Variants in CCDC102B observed in about 807,000 individuals in gnomAD.
CCDC102B encodes coiled-coil domain-containing protein 102B.
A neutral mutation model predicts 57.4 loss-of-function variants in CCDC102B; 75 were observed. The observed-to-expected ratio is 1.31, with a 90% CI of 1.08 to 1.58. The LOEUF (loss-of-function observed/expected upper bound fraction) is 1.58, where lower values mean the gene tolerates loss of function less well. Ranked by LOEUF, CCDC102B falls within the 40% of genes most tolerant of loss-of-function variation. The probability of loss-of-function intolerance (pLI) is 0.00; values close to 1 mark genes in which losing one functional copy is unlikely to be tolerated. For synonymous variants in CCDC102B, 206 were observed against 201.9 expected, an observed-to-expected ratio of 1.02 and a Z score of -0.17; for missense variants, 636 against 582.6, an observed-to-expected ratio of 1.09 and a Z score of -0.94.
At chr18:68,861,163 A>T (rs1012878570) in intron 4 of CCDC102B, among the ~76,000 whole-genome samples, 1 of 152,066 alleles carries the variant, frequency 6.6e-6, no homozygotes, top group African/African-American at 2.4e-5. Context: ...TGCTCCAAGT[A>T]AAGGGAAGTC....
intron 3 of CCDC102B, among the ~76,000 whole-genome samples, chr18:68,840,736 A>G (rs536423738): frequency 3.3e-5 from 5 of 152,294 alleles, no homozygotes; most frequent in Non-Finnish European, 7.4e-5. Context: ...AGTGCAGTCT[A>G]ATAGGAGCAA....
At chr18:69,045,265 C>A (rs184328234) in intron 7 of CCDC102B, among the ~76,000 whole-genome samples, 9 of 152,010 alleles carry the variant, frequency 5.9e-5, no homozygotes, top group Admixed American at 5.2e-4. Flanking sequence ...CAAAACATGA[C>A]AAATGACAAC....
intron 2 of CCDC102B, among the ~76,000 whole-genome samples, chr18:68,745,073 A>G (rs2033558740): frequency 6.6e-6 from 1 of 152,194 alleles, no homozygotes. Context: ...TTCTGGAGTC[A>G]GTAGGAGAGA....
chr18:68,995,621 C>A (rs1450572453), intron 6 of CCDC102B, among the ~76,000 whole-genome samples: 2 of 152,074 alleles, frequency 1.3e-5, no homozygotes, highest in Non-Finnish European at 2.9e-5. Flanking sequence ...CTTTGGGAGC[C>A]TCCAACTAGA....
intron 6 of CCDC102B, among the ~76,000 whole-genome samples, chr18:68,935,737 G>A (rs1455790934): frequency 6.6e-6 from 1 of 151,888 alleles, no homozygotes; most frequent in African/African-American, 2.4e-5. Context: ...GACAGGCCTT[G>A]GACCCATTAG....
intron 4 of CCDC102B, among the ~76,000 whole-genome samples, chr18:68,872,166 T>G (rs1032694529): frequency 1.3e-5 from 2 of 152,180 alleles, no homozygotes; most frequent in Admixed American, 6.5e-5. Flanking sequence ...AGTTCTGAAT[T>G]TGGCTTTCCA....
At chr18:69,039,061 G>C (rs2052366493) in intron 7 of CCDC102B, among the ~76,000 whole-genome samples, 1 of 149,622 alleles carries the variant, frequency 6.7e-6, no homozygotes, top group South Asian at 2.1e-4. Flanking sequence ...AGTGCAACAG[G>C]GGGGTTCCTG....
intron 2 of CCDC102B, chr18:68,838,452 A>G (rs1043137609): frequency 6.1e-6 from 6 of 985,110 alleles, no homozygotes; most frequent in Non-Finnish European, 7.2e-6. Context: ...GCGATTAGAA[A>G]AAGAGAACAA....
chr18:68,859,436 C>A (rs1167186784), intron 4 of CCDC102B, among the ~76,000 whole-genome samples: 28 of 11,428 alleles, frequency 2.5e-3, no homozygotes, highest in African/African-American at 6.3e-3. Context: ...GCAACAAAAG[C>A]CAAAATTGAC....
intron 2 of CCDC102B, among the ~76,000 whole-genome samples, chr18:68,740,651 G>A (rs995877087): frequency 6.6e-6 from 1 of 152,224 alleles, no homozygotes; most frequent in African/African-American, 2.4e-5. Flanking sequence ...GGCATTGGAG[G>A]TGGTGGAGTA....
At chr18:68,921,135 G>A (rs953234214) in intron 6 of CCDC102B, among the ~76,000 whole-genome samples, 2 of 152,122 alleles carry the variant, frequency 1.3e-5, no homozygotes, top group East Asian at 1.9e-4. Context: ...ACACAGAAAC[G>A]TTTAAGGCCT....
chr18:68,951,708 T>C (rs895630985), intron 6 of CCDC102B, among the ~76,000 whole-genome samples: 51 of 151,894 alleles, frequency 3.4e-4, no homozygotes, highest in African/African-American at 1.2e-3. Context: ...CTCGGGAGGC[T>C]GAGTTAGGAG....
chr18:68,850,505 G>A (rs190680976), intron 4 of CCDC102B, among the ~76,000 whole-genome samples: 28 of 151,960 alleles, frequency 1.8e-4, no homozygotes, highest in African/African-American at 5.1e-4. Flanking sequence ...GATGAGTTTC[G>A]TCTTTTAAAC....
chr18:68,832,787 G>A lies in CCDC102B; in HGVS notation c.-15-3962G>A, dbSNP rs12327086. Among the ~76,000 whole-genome samples the A allele has an allele frequency of 3.2e-3, 479 of 152,034 alleles. 3 individuals carry two copies. The highest frequency in any genetic ancestry group is 0.011 in the African/African-American group (451 of 41,496). On this transcript the variant is annotated intron_variant, in intron 1 of 7. Transcript: ENST00000360242. Reference sequence around the variant, plus strand: ...GGGGAAGAGAGTCTGCGGAGAGTGGGGAGCGTGCTCCTGCAGAGCAAACAG... The same window carrying A: ...GGGGAAGAGAGTCTGCGGAGAGTGGAGAGCGTGCTCCTGCAGAGCAAACAG...
intron 7 of CCDC102B, among the ~76,000 whole-genome samples, chr18:69,030,352 A>G (rs944856153): frequency 1.3e-5 from 2 of 152,214 alleles, no homozygotes; most frequent in Non-Finnish European, 2.9e-5. Flanking sequence ...AGTCATCAAT[A>G]TTATACAGGA....
chr18:68,872,620 G>C (rs1204058101), intron 4 of CCDC102B, among the ~76,000 whole-genome samples: 2 of 151,446 alleles, frequency 1.3e-5, no homozygotes, highest in Non-Finnish European at 2.9e-5. Flanking sequence ...CCATTATTCT[G>C]ATCAAAAACC....
chr18:68,940,874 A>G (rs1410238720), intron 6 of CCDC102B, among the ~76,000 whole-genome samples: 1 of 151,892 alleles, frequency 6.6e-6, no homozygotes, highest in Non-Finnish European at 1.5e-5. Flanking sequence ...TAGAAAGCTC[A>G]AGTAACTAAA....
intron 2 of CCDC102B, among the ~76,000 whole-genome samples, chr18:68,771,579 A>C (rs2034638286): frequency 6.6e-6 from 1 of 152,164 alleles, no homozygotes; most frequent in African/African-American, 2.4e-5. Flanking sequence ...GGAAAGGATA[A>C]GGAGGTTTGG....
intron 7 of CCDC102B, among the ~76,000 whole-genome samples, chr18:69,027,763 G>C (rs755472508): frequency 2.6e-5 from 4 of 151,658 alleles, no homozygotes; most frequent in Non-Finnish European, 5.9e-5. Flanking sequence ...CAGTGCATAC[G>C]TATGATATAG....
Sources: allele counts gnomAD v4.1 joint callset (sites outside exome capture counted in the v4.1 genomes callset), GRCh38; gene constraint gnomAD v4.1.1; transcripts MANE v1.5; gene names NCBI Gene and HGNC (gene_info 2026-07-23, HGNC 2026-07-21).